The following CTNNA2 variants were observed in gnomAD, a reference collection of about 807,000 sequenced individuals.
CTNNA2 encodes the protein catenin alpha-2.
In CTNNA2, 42 loss-of-function variants were observed where a neutral mutation model predicts 101.0. The observed-to-expected ratio is 0.42, with a 90% CI of 0.32 to 0.54. The LOEUF (loss-of-function observed/expected upper bound fraction) is 0.54. Ranked by LOEUF, CTNNA2 falls within the 20% of genes least tolerant of loss-of-function variation. The probability of loss-of-function intolerance (pLI) is 0.14; values close to 1 mark genes in which losing one functional copy is unlikely to be tolerated. For missense variants in CTNNA2, 871 were observed against 1,223.1 expected (o/e 0.71, Z 4.29); for synonymous variants, 450 against 456.4 (o/e 0.99, Z 0.18).
At chr2:80,526,568 G>A (rs937206509) in intron 9 of CTNNA2, among the ~76,000 whole-genome samples, 6 of 151,694 alleles carry the variant, frequency 4.0e-5, no homozygotes, top group Non-Finnish European at 7.4e-5. Context: ...CCTGACCTCA[G>A]GTGATCCGCC....
chr2:79,263,530 T>C (rs189205331), intron 2 of CTNNA2, among the ~76,000 whole-genome samples: 5 of 152,288 alleles, frequency 3.3e-5, no homozygotes, highest in African/African-American at 9.6e-5. Flanking sequence ...AATAAACCTC[T>C]TTTCTTTATA....
At chr2:80,244,882 T>A in intron 7 of CTNNA2, among the ~76,000 whole-genome samples, 1 of 152,104 alleles carries the variant, frequency 6.6e-6, no homozygotes, top group African/African-American at 2.4e-5. Context: ...AACAGAGAAA[T>A]ACGAAAATCC....
intron 4 of CTNNA2, among the ~76,000 whole-genome samples, chr2:79,865,758 C>T (rs1033230761): frequency 2.8e-4 from 43 of 152,226 alleles, no homozygotes; most frequent in African/African-American, 9.6e-4. Context: ...CTCGCACTGT[C>T]GCCCAGGCTG....
At chr2:79,412,138 G>A (rs1183384086) in intron 4 of CTNNA2, among the ~76,000 whole-genome samples, 1 of 152,018 alleles carries the variant, frequency 6.6e-6, no homozygotes, top group African/African-American at 2.4e-5. Flanking sequence ...AAGATCAAAA[G>A]AGACAAAGAA....
chr2:79,798,912 C>T (rs1002925941), intron 3 of CTNNA2, among the ~76,000 whole-genome samples: 3 of 152,282 alleles, frequency 2.0e-5, no homozygotes, highest in South Asian at 2.1e-4. Context: ...CAATGAATCT[C>T]ACAGTGTTCC....
In CTNNA2 at chr2:80,578,251, G is replaced by A. The variant is rs890483116; in HGVS notation, c.1894-3455G>A. On this transcript the variant is annotated intron_variant, in intron 13 of 18. Coordinates refer to ENST00000402739, the MANE Select transcript of CTNNA2 (RefSeq NM_001282597.3). ...ACAAAACATAAAATAGTGGAACCACGAAACTAGGAGTAGACTTTAAATAGT... is the reference window on the plus strand; with the variant it reads ...ACAAAACATAAAATAGTGGAACCACAAAACTAGGAGTAGACTTTAAATAGT... 5.9e-5 allele frequency among the ~76,000 whole-genome samples: 9 copies of A among 152,138 alleles called. No individual in the cohort carries two copies. In the East Asian group the frequency reaches 9.6e-4, roughly 16 times the overall value.
At chr2:79,453,925 G>A (rs2104529192) in intron 4 of CTNNA2, among the ~76,000 whole-genome samples, 1 of 152,132 alleles carries the variant, frequency 6.6e-6, no homozygotes, top group East Asian at 1.9e-4. Context: ...CCCTAATAAT[G>A]AGCTTCTGTA....
At chr2:79,185,664 A>G (rs1673767991) in intron 1 of CTNNA2, 2 of 152,212 alleles carry the variant, frequency 1.3e-5, no homozygotes, top group East Asian at 1.9e-4. Flanking sequence ...TCTACAATTC[A>G]TGGGTGCTCC....
At chr2:80,125,912 C>T (rs1369449817) in intron 7 of CTNNA2, among the ~76,000 whole-genome samples, 3 of 152,138 alleles carry the variant, frequency 2.0e-5, no homozygotes, top group Admixed American at 1.3e-4. Context: ...TTGTACTTTT[C>T]TGCAGAATGG....
chr2:79,342,242 A>G (rs1677154779), intron 3 of CTNNA2, among the ~76,000 whole-genome samples: 1 of 152,230 alleles, frequency 6.6e-6, no homozygotes, highest in African/African-American at 2.4e-5. Context: ...CTGATGCTAT[A>G]GGCAGGATTT....
At chr2:80,384,498 C>T (rs1676815039) in intron 7 of CTNNA2, among the ~76,000 whole-genome samples, 1 of 150,860 alleles carries the variant, frequency 6.6e-6, no homozygotes, top group African/African-American at 2.4e-5. Flanking sequence ...TTCAGGAATA[C>T]TGAGCTGAGG....
intron 8 of CTNNA2, among the ~76,000 whole-genome samples, chr2:80,405,677 T>A (rs1313080139): frequency 6.6e-6 from 1 of 152,196 alleles, no homozygotes; most frequent in Non-Finnish European, 1.5e-5. Flanking sequence ...TCATTTTAGC[T>A]GGGGGAATAT....
At chr2:79,756,688 A>C (rs759861722) in intron 3 of CTNNA2, among the ~76,000 whole-genome samples, 19 of 152,200 alleles carry the variant, frequency 1.2e-4, no homozygotes, top group African/African-American at 3.9e-4. Flanking sequence ...TGAAAGACTT[A>C]TATCCATAAT....
rs532311967 is a variant in CTNNA2 at position 79,538,242 on chromosome 2, C to T, written c.-6+25035C>T. Among the ~76,000 whole-genome samples, 428 of 64,222 alleles carry T rather than the reference C, an allele frequency of 6.7e-3. 3 individuals carry two copies. Among genetic ancestry groups the T allele is most frequent in the Non-Finnish European group, 9.7e-3 (320 of 32,906 alleles). 42.1% of individuals were successfully genotyped at this position (64,222 alleles called of 152,430 possible). On this transcript the variant is annotated intron_variant, in intron 1 of 18. Transcript: ENST00000402739. ...AGCATTAGTAATAAAGATGATTATT[C>T]GAAAAAAAAACCTTATCAGGGTATA...
At chr2:79,749,953 G>A (rs181812893) in intron 3 of CTNNA2, among the ~76,000 whole-genome samples, 41 of 152,274 alleles carry the variant, frequency 2.7e-4, no homozygotes, top group Admixed American at 2.4e-3. Context: ...TTCCAAGCAG[G>A]ATGCTAGAGA....
intron 9 of CTNNA2, among the ~76,000 whole-genome samples, chr2:80,519,135 G>A (rs564683846): frequency 1.3e-4 from 20 of 151,732 alleles, no homozygotes; most frequent in African/African-American, 3.9e-4. Flanking sequence ...GTGTGTGTAC[G>A]TGTGTGTGTA....
intron 4 of CTNNA2, among the ~76,000 whole-genome samples, chr2:79,378,298 T>G (rs1392094902): frequency 6.6e-6 from 1 of 152,214 alleles, no homozygotes; most frequent in Non-Finnish European, 1.5e-5. Context: ...AGATCAAATG[T>G]AGGTATTATT....
intron 18 of CTNNA2, among the ~76,000 whole-genome samples, chr2:80,624,948 C>A (rs1478985775): frequency 6.6e-6 from 1 of 151,818 alleles, no homozygotes; most frequent in African/African-American, 2.4e-5. Context: ...GCCCTTGTTA[C>A]ACCAACTAAA....
chr2:79,948,093 A>G (rs904327208), intron 7 of CTNNA2, among the ~76,000 whole-genome samples: 1 of 152,218 alleles, frequency 6.6e-6, no homozygotes, highest in South Asian at 2.1e-4. Context: ...AGCTCAATGC[A>G]TATGTGCTAG....
Sources: gnomAD v4.1 joint callset for allele counts (sites outside exome capture counted in the v4.1 genomes callset) on GRCh38, gnomAD v4.1.1 for gene constraint, MANE v1.5 for transcripts, NCBI Gene and HGNC (gene_info 2026-07-23, HGNC 2026-07-21) for gene names.